The following GRID2 variants were observed in gnomAD, a reference collection of about 807,000 sequenced individuals.
GRID2 encodes the protein glutamate ionotropic receptor delta type subunit 2.
A neutral mutation model predicts 114.8 loss-of-function variants in GRID2; 33 were observed. The ratio of observed to expected loss-of-function variants is 0.29; its 90% confidence interval spans 0.22 to 0.38. The LOEUF is 0.38. GRID2 is among the 10% of genes least tolerant of loss of function. GRID2 has a pLI of 1.00. For missense variants in GRID2, 1,184 were observed against 1,257.7 expected (o/e 0.94, Z 0.89); for synonymous variants, 505 against 449.9 (o/e 1.12, Z -1.55).
intron 10 of GRID2, among the ~76,000 whole-genome samples, chr4:93,446,784 T>C (rs1187626928): frequency 6.6e-6 from 1 of 151,990 alleles, no homozygotes; most frequent in Non-Finnish European, 1.5e-5. Context: ...ATCTGTAAGT[T>C]ACTTATGAAT....
intron 8 of GRID2, among the ~76,000 whole-genome samples, chr4:93,355,491 A>G (rs191267939): frequency 2.0e-5 from 3 of 152,206 alleles, no homozygotes; most frequent in Admixed American, 2.0e-4. Flanking sequence ...CCATATCTCA[A>G]GAGCAAGTGT....
rs530431161 is a variant in GRID2, at chr4:93,172,277, T to C, written c.736-35127T>C. ...GGCTGAAGCTGTCAGGTTGGGAACA[T>C]TTGCCATTATTTCTGATGAAAATAA... is the stretch of plus-strand genomic sequence containing the variant. On this transcript the variant is annotated intron_variant, in intron 4 of 15. Coordinates refer to ENST00000282020, the MANE Select transcript of GRID2 (RefSeq NM_001510.4). Among the ~76,000 whole-genome samples the C allele has an allele frequency of 3.3e-5, 5 of 152,174 alleles. No individual in the cohort carries two copies. In the East Asian group the frequency reaches 9.7e-4, roughly 29 times the overall value.
intron 1 of GRID2, among the ~76,000 whole-genome samples, chr4:92,570,138 G>T (rs1727538873): frequency 6.6e-6 from 1 of 151,972 alleles, no homozygotes; most frequent in Middle Eastern, 3.2e-3. Flanking sequence ...TTTCATATGT[G>T]GTGTAAGGAA....
At chr4:92,388,938 T>C (rs1479549329) in intron 1 of GRID2, among the ~76,000 whole-genome samples, 1 of 152,088 alleles carries the variant, frequency 6.6e-6, no homozygotes, top group Non-Finnish European at 1.5e-5. Flanking sequence ...AAATATTATA[T>C]ACCGCATTCT....
At chr4:92,890,338 A>G (rs965240850) in intron 2 of GRID2, among the ~76,000 whole-genome samples, 1 of 152,222 alleles carries the variant, frequency 6.6e-6, no homozygotes, top group Non-Finnish European at 1.5e-5. Context: ...CAACCTACAG[A>G]CTGGGACAAA....
Position 93,772,611 on chromosome 4 carries a change from T to C in GRID2, c.*113T>C. 1 of 747,380 alleles carries C rather than the reference T, an allele frequency of 1.3e-6. No homozygotes were observed. The highest frequency in any genetic ancestry group is 2.1e-6 in the Non-Finnish European group (1 of 470,990). The allele number at this position is 747,380 out of a possible 1,614,324, so 46.3% of individuals were successfully genotyped here. On this transcript the variant is annotated 3_prime_UTR_variant, in exon 16 of 16. Coordinates refer to ENST00000282020, the MANE Select transcript of GRID2 (RefSeq NM_001510.4). ...CGTTTAAAAAAAAGATCAGGATTATTAGTAACAATTCTAGTTTTTTCCTCC... is the reference window on the plus strand; with the variant it reads ...CGTTTAAAAAAAAGATCAGGATTATCAGTAACAATTCTAGTTTTTTCCTCC...
At chr4:93,160,904 A>G (rs569197015) in intron 4 of GRID2, among the ~76,000 whole-genome samples, 3 of 151,888 alleles carry the variant, frequency 2.0e-5, no homozygotes, top group South Asian at 4.1e-4. Context: ...TTAAAATTTG[A>G]CAACACTTTG....
intron 8 of GRID2, among the ~76,000 whole-genome samples, chr4:93,250,272 A>G (rs1362087628): frequency 6.6e-6 from 1 of 152,050 alleles, no homozygotes; most frequent in Non-Finnish European, 1.5e-5. Context: ...GCATGTTCTC[A>G]CTCATAAGTG....
chr4:92,567,909 G>A (rs1312654765), intron 1 of GRID2, among the ~76,000 whole-genome samples: 1 of 151,974 alleles, frequency 6.6e-6, no homozygotes, highest in African/African-American at 2.4e-5. Context: ...TGCCCTCATG[G>A]AAAGTGCATT....
rs988853107 is a variant in GRID2 at position 93,773,215 on chromosome 4, G to A, written c.*717G>A. Reference sequence around the variant, plus strand: ...AGCCTCTATTGTGTTAAATAAATTAGTATTTCATATATATACATATATATG... The same window carrying A: ...AGCCTCTATTGTGTTAAATAAATTAATATTTCATATATATACATATATATG... On this transcript the variant is annotated 3_prime_UTR_variant, in exon 16 of 16. Coordinates refer to ENST00000282020, the MANE Select transcript of GRID2 (RefSeq NM_001510.4). 2.0e-5 allele frequency: 3 copies of A among 151,944 alleles called. No individual in the cohort carries two copies. The highest frequency in any genetic ancestry group is 2.9e-5 in the Non-Finnish European group (2 of 67,972). 9.4% of individuals were successfully genotyped at this position (151,944 alleles called of 1,614,324 possible). A position where few individuals can be genotyped will look rare whatever the true frequency, so the allele number is the denominator to read the frequency against.
At chr4:93,016,236 TATC>T (rs1486463514) in intron 2 of GRID2, among the ~76,000 whole-genome samples, 1 of 151,758 alleles carries the variant, frequency 6.6e-6, no homozygotes, top group Admixed American at 6.6e-5. Flanking sequence ...GAATAGAAAA[TATC>T]ATTAAATAGG....
At chr4:93,754,997 TAATATCATCAA>T (rs1732620906) in intron 14 of GRID2, among the ~76,000 whole-genome samples, 1 of 152,182 alleles carries the variant, frequency 6.6e-6, no homozygotes, top group Admixed American at 6.5e-5. Context: ...AAGCATCCCA[TAATATCATCAA>T]GTAAGTAAAC....
intron 5 of GRID2, among the ~76,000 whole-genome samples, chr4:93,215,979 A>G (rs895434344): frequency 2.6e-5 from 4 of 152,102 alleles, no homozygotes; most frequent in Non-Finnish European, 4.4e-5. Flanking sequence ...TCTAGTAAAG[A>G]CTACCTTAAA....
intron 13 of GRID2, among the ~76,000 whole-genome samples, chr4:93,625,338 A>AT (rs534286363): frequency 9.9e-5 from 15 of 152,146 alleles, no homozygotes; most frequent in Admixed American, 8.5e-4. Flanking sequence ...CCTTTCATGC[A>AT]TTTTTTGTTC....
chr4:93,302,571 T>A (rs1254993208), intron 8 of GRID2: 1 of 456,190 alleles, frequency 2.2e-6, no homozygotes, highest in Non-Finnish European at 4.4e-6. Context: ...ACTGAAAAAT[T>A]TGGAATTACA....
Position 93,303,071 on chromosome 4 carries a change from G to C in GRID2, c.1245+64581G>C, listed in dbSNP as rs146422808. Among the ~76,000 whole-genome samples the C allele has an allele frequency of 2.0e-4, 31 of 152,244 alleles. No homozygotes were observed. The East Asian group carries it at 5.8e-3, about 29-fold the overall frequency. ...CAAAGGAGAGGCAGGCATGTCTTAC[G>C]TGACCAGAGAAGGAGGAAGAGGAAA... On this transcript the variant is annotated intron_variant, in intron 8 of 15. Transcript: ENST00000282020.
intron 8 of GRID2, among the ~76,000 whole-genome samples, chr4:93,244,970 G>C (rs1748036549): frequency 6.6e-6 from 1 of 151,726 alleles, no homozygotes; most frequent in Non-Finnish European, 1.5e-5. Context: ...ATCTGCCATA[G>C]TTATTTACTG....
At chr4:92,899,909 G>A (rs1251875297) in intron 2 of GRID2, among the ~76,000 whole-genome samples, 1 of 152,166 alleles carries the variant, frequency 6.6e-6, no homozygotes, top group Non-Finnish European at 1.5e-5. Flanking sequence ...ATGGAGGAGA[G>A]TTGCTTGTAA....
At chr4:93,776,986 A>G (rs540843199), downstream of GRID2, among the ~76,000 whole-genome samples, 34 of 152,292 alleles carry the variant, frequency 2.2e-4, no homozygotes, top group South Asian at 6.4e-3. Context: ...AACATAGTAA[A>G]TCTTATTCAG....
Sources: gnomAD v4.1 joint callset for allele counts (sites outside exome capture counted in the v4.1 genomes callset) on GRCh38, gnomAD v4.1.1 for gene constraint, MANE v1.5 for transcripts, NCBI Gene and HGNC (gene_info 2026-07-23, HGNC 2026-07-21) for gene names.